Variants in FRY observed in about 807,000 individuals in gnomAD.
FRY encodes protein furry homolog.
FRY carries 128 observed loss-of-function variants against 348.4 expected under a neutral mutation model. The ratio of observed to expected loss-of-function variants is 0.37; its 90% CI spans 0.32 to 0.43. The LOEUF is 0.43. Among genes scored for constraint, FRY ranks in the 20% least tolerant of loss-of-function variants. FRY has a pLI of 1.00. For missense variants in FRY, 2,736 were observed against 3,695.2 expected (o/e 0.74, Z 6.73); for synonymous variants, 1,370 against 1,374.7 (o/e 1.00, Z 0.08).
At chr13:32,272,467 G>A (rs996116697) in intron 55 of FRY, among the ~76,000 whole-genome samples, 1 of 152,172 alleles carries the variant, frequency 6.6e-6, no homozygotes, top group African/African-American at 2.4e-5. Flanking sequence ...AATGTGTGAT[G>A]GAATTCACAA....
intron 1 of FRY, among the ~76,000 whole-genome samples, chr13:32,069,915 C>T (rs561830450): frequency 2.8e-4 from 42 of 150,958 alleles, no homozygotes; most frequent in South Asian, 1.3e-3. Flanking sequence ...GCCCTGTGTC[C>T]GTGTGTTCTC....
chr13:32,258,860 C>T (rs560289115), intron 51 of FRY, among the ~76,000 whole-genome samples: 5 of 152,030 alleles, frequency 3.3e-5, no homozygotes, highest in Admixed American at 1.3e-4. Context: ...TCTCTATCTA[C>T]GTATATCAGA....
At chr13:32,179,853 G>A in intron 23 of FRY, 54 bp downstream of exon 23, 2 of 1,558,566 alleles carry the variant, frequency 1.3e-6, no homozygotes, top group Non-Finnish European at 1.8e-6. Flanking sequence ...TGCTATTGTA[G>A]TTCCTTTATT....
intron 1 of FRY, among the ~76,000 whole-genome samples, chr13:32,034,022 C>A (rs1254481900): frequency 6.6e-6 from 1 of 152,168 alleles, no homozygotes; most frequent in African/African-American, 2.4e-5. Context: ...GAGGATGCAC[C>A]ATGAGGCAAG....
intron 24 of FRY, 112 bp from the exon 25 acceptor site, chr13:32,184,488 G>A (rs1352981224): frequency 2.8e-6 from 2 of 721,518 alleles, no homozygotes; most frequent in Admixed American, 2.1e-5. Context: ...TGACTTTTAT[G>A]CTTAGAAAAT....
chr13:32,096,394 G>A (rs1876715365), intron 2 of FRY, among the ~76,000 whole-genome samples: 1 of 151,020 alleles, frequency 6.6e-6, no homozygotes, highest in Non-Finnish European at 1.5e-5. Flanking sequence ...TGCAAATAAT[G>A]TACTGTGTGA....
At position 32,237,259 on chromosome 13, in the gene FRY, A is replaced by G; in HGVS notation, c.5811-120A>G. 1.0e-6 allele frequency: 1 copy of G among 967,220 alleles called. No individual in the cohort carries two copies. The allele number at this position is 967,220 out of a possible 1,614,324, so 59.9% of individuals were successfully genotyped here. On this transcript the variant is annotated intron_variant, in intron 43 of 60. Coordinates refer to ENST00000542859, the MANE Select transcript of FRY (RefSeq NM_023037.3). The surrounding 1 kb of genome is among the most constrained non-coding windows in gnomAD (Gnocchi z 6.3). Reference sequence around the variant, plus strand: ...TAAAGATAAGGAAAAATAAATGAATAGAAAGTGGCATTTCTAAAGAATGAT... The same window carrying G: ...TAAAGATAAGGAAAAATAAATGAATGGAAAGTGGCATTTCTAAAGAATGAT...
chr13:32,058,109 A>G (rs1199498697), intron 1 of FRY, among the ~76,000 whole-genome samples: 1 of 152,190 alleles, frequency 6.6e-6, no homozygotes, highest in Non-Finnish European at 1.5e-5. Context: ...GAGGGTTGTT[A>G]TGAAACTATC....
chr13:32,122,257 C>T (rs922698518), intron 4 of FRY, among the ~76,000 whole-genome samples: 1 of 151,978 alleles, frequency 6.6e-6, no homozygotes, highest in African/African-American at 2.4e-5. Context: ...TCCTGGCTAA[C>T]ACAGTGAAAC....
intron 46 of FRY, 143 bp downstream of exon 46, chr13:32,240,024 G>C (rs911137936): frequency 1.2e-5 from 8 of 674,700 alleles, no homozygotes; most frequent in Non-Finnish European, 2.0e-5. Context: ...CCCTGCCAGA[G>C]GTAAGCTTTG....
At position 32,290,695 on chromosome 13, in the gene FRY, C is replaced by A. The variant is rs147041731; in HGVS notation, c.8580+952C>A. ...ACAGCTAGAACAGAGACATGGAGAC[C>A]AGTGATGAGGCTGCTGAAATAGTTC... On this transcript the variant is annotated intron_variant, in intron 59 of 60. Transcript: ENST00000542859. Among the ~76,000 whole-genome samples the A allele has an allele frequency of 3.3e-3, 505 of 152,024 alleles. 4 individuals are homozygous for A. The highest frequency in any genetic ancestry group is 6.1e-3 in the Non-Finnish European group (414 of 67,996).
Position 32,248,216 on chromosome 13 carries a change from G to A in FRY, c.7008+714G>A, listed in dbSNP as rs556338386. Among the ~76,000 whole-genome samples the A allele has an allele frequency of 1.2e-4, 19 of 152,312 alleles. No homozygotes were observed. In the South Asian group the frequency reaches 3.7e-3, roughly 30 times the overall value. On this transcript the variant is annotated intron_variant, in intron 48 of 60. Coordinates refer to ENST00000542859, the MANE Select transcript of FRY (RefSeq NM_023037.3). ...ACCAGGGCTCAGTACAACATCTGGT[G>A]CATTAGTAGATCACTAGTAAATATT...
chr13:32,150,046 G>A (rs1343206367), intron 14 of FRY, among the ~76,000 whole-genome samples: 1 of 152,186 alleles, frequency 6.6e-6, no homozygotes, highest in Admixed American at 6.5e-5. Flanking sequence ...AAAGGTTGAT[G>A]TGCTACCATA....
At chr13:32,121,017 A>G (rs1878616084) in intron 4 of FRY, among the ~76,000 whole-genome samples, 1 of 152,220 alleles carries the variant, frequency 6.6e-6, no homozygotes, top group Non-Finnish European at 1.5e-5. Context: ...ACATATCAAT[A>G]GAATGTTTGG....
rs1332642590 is a variant in FRY, at chr13:32,231,166, T to C, written c.5406-13T>C. ...ACAGTTATATTTTTGACATTTTGTG[T>C]GTTTTGTTTAAGGGCATTTGGTCCA... is the stretch of plus-strand genomic sequence containing the variant. On this transcript the variant is annotated splice_polypyrimidine_tract_variant and intron_variant, in intron 40 of 60. Coordinates refer to ENST00000542859, the MANE Select transcript of FRY (RefSeq NM_023037.3). 1.2e-6 allele frequency: 2 copies of C among 1,612,624 alleles called. No individual in the cohort carries two copies. The highest frequency in any genetic ancestry group is 1.7e-6 in the Non-Finnish European group (2 of 1,178,708).
intron 51 of FRY, among the ~76,000 whole-genome samples, chr13:32,259,933 C>A (rs1745303735): frequency 6.6e-6 from 1 of 151,978 alleles, no homozygotes; most frequent in African/African-American, 2.4e-5. Flanking sequence ...AGTCTGCATT[C>A]TTTTTTATAA....
At chr13:32,290,524 G>A (rs1889285803) in intron 59 of FRY, among the ~76,000 whole-genome samples, 1 of 152,098 alleles carries the variant, frequency 6.6e-6, no homozygotes, top group Non-Finnish European at 1.5e-5. Flanking sequence ...AAGCTACTTA[G>A]TATTGCTAGA....
intron 11 of FRY, among the ~76,000 whole-genome samples, chr13:32,141,815 G>A (rs778910591): frequency 6.6e-6 from 1 of 152,184 alleles, no homozygotes; most frequent in Non-Finnish European, 1.5e-5. Context: ...CATGTTATTA[G>A]ATAGGCTGAC....
At chr13:32,094,944 G>A (rs1291496719) in intron 2 of FRY, among the ~76,000 whole-genome samples, 1 of 152,150 alleles carries the variant, frequency 6.6e-6, no homozygotes, top group Non-Finnish European at 1.5e-5. Context: ...CATAGTGGTT[G>A]TACTAATTTA....
Sources: gnomAD v4.1 joint callset for allele counts (sites outside exome capture counted in the v4.1 genomes callset) on GRCh38, gnomAD v4.1.1 for gene constraint, Gnocchi (gnomAD v3.1) non-coding constraint, MANE v1.5 for transcripts, NCBI Gene and HGNC (gene_info 2026-07-23, HGNC 2026-07-21) for gene names.